TBC1D4: variants seen among roughly 807,000 people sequenced by gnomAD.
TBC1D4 encodes the protein TBC1 domain family member 4, also known as TBC (Tre-2, BUB2, CDC16) domain-containing protein.
A neutral mutation model predicts 142.5 loss-of-function variants in TBC1D4; 121 were observed. The ratio of observed to expected loss-of-function variants is 0.85; its 90% CI spans 0.73 to 0.99. The LOEUF (loss-of-function observed/expected upper bound fraction) is 0.99, where lower values mean the gene tolerates loss of function less well. TBC1D4 is among the 50% of genes least tolerant of loss of function. TBC1D4 has a pLI of 0.00. For missense variants in TBC1D4, 1,475 were observed against 1,606.6 expected, an observed-to-expected ratio of 0.92 and a Z score of 1.40; for synonymous variants, 630 against 628.2, an observed-to-expected ratio of 1.00 and a Z score of -0.04.
At chr13:75,364,978 A>G (rs1593796576) in intron 1 of TBC1D4, among the ~76,000 whole-genome samples, 1 of 152,166 alleles carries the variant, frequency 6.6e-6, no homozygotes, top group Admixed American at 6.5e-5. Context: ...AGTCAATTCA[A>G]CCTTAATTGT....
At chr13:75,336,017 T>C (rs1004749076) in intron 8 of TBC1D4, among the ~76,000 whole-genome samples, 4 of 152,212 alleles carry the variant, frequency 2.6e-5, no homozygotes, top group African/African-American at 7.2e-5. Flanking sequence ...TTTCTATACA[T>C]ATATATTTCT....
In TBC1D4 at chr13:75,414,114, C is replaced by A. The variant is rs140444612; in HGVS notation, c.499-51507G>T. ...GGCACTGCAATACTACATCCGCATT[C>A]CCATGGTTGAGTTCATTCTCAGTGT... On this transcript the variant is annotated intron_variant, in intron 1 of 20. Transcript: ENST00000377636. Among the ~76,000 whole-genome samples the A allele has an allele frequency of 4.6e-5, 7 of 152,298 alleles. No homozygotes were observed. In the East Asian group the frequency reaches 1.2e-3, roughly 25 times the overall value.
At chr13:75,377,788 C>G (rs959268903) in intron 1 of TBC1D4, among the ~76,000 whole-genome samples, 1 of 150,900 alleles carries the variant, frequency 6.6e-6, no homozygotes, top group Non-Finnish European at 1.5e-5. Flanking sequence ...CTATATTAAA[C>G]CAGGATCTTT....
At chr13:75,463,976 T>A (rs572144396) in intron 1 of TBC1D4, among the ~76,000 whole-genome samples, 3 of 152,194 alleles carry the variant, frequency 2.0e-5, no homozygotes, top group Non-Finnish European at 4.4e-5. Flanking sequence ...ACTCAACTCA[T>A]GTAAACTGAA....
Position 75,294,993 on chromosome 13 carries a change from G to A in TBC1D4, c.3177C>T (p.Ser1059=), listed in dbSNP as rs1261507740. ...MSLQIQMYQL[S]RLLHDYHRDL... ...CTCTGTGATAGTCATGAAGGAGCCTGGACAGCTGGTACATTTGAATCTAAA... is the reference window on the plus strand; with the variant it reads ...CTCTGTGATAGTCATGAAGGAGCCTAGACAGCTGGTACATTTGAATCTAAA... Residue 1059 remains serine (S), a synonymous_variant, in exon 18 of 21, where the codon TCC becomes TCT. Coordinates refer to ENST00000377636, the MANE Select transcript of TBC1D4 (RefSeq NM_014832.5). The A allele has an allele frequency of 1.2e-6, 2 of 1,613,650 alleles. No homozygotes were observed. The highest frequency in any genetic ancestry group is 1.7e-6 in the Non-Finnish European group (2 of 1,179,764).
intron 11 of TBC1D4, among the ~76,000 whole-genome samples, chr13:75,323,009 T>C (rs1878907621): frequency 6.6e-6 from 1 of 152,168 alleles, no homozygotes; most frequent in Admixed American, 6.5e-5. Flanking sequence ...AATCCAGTAT[T>C]AGTTATCTTT....
chr13:75,333,139 T>C (rs933468952), intron 8 of TBC1D4, among the ~76,000 whole-genome samples: 1 of 152,242 alleles, frequency 6.6e-6, no homozygotes, highest in Non-Finnish European at 1.5e-5. Context: ...AAGACACTTA[T>C]ACACTGAAGG....
At chr13:75,374,767 A>ATT (rs150050951) in intron 1 of TBC1D4, among the ~76,000 whole-genome samples, 39 of 151,362 alleles carry the variant, frequency 2.6e-4, no homozygotes, top group African/African-American at 8.7e-4. Context: ...CGCAGCCCTC[A>ATT]TTTTTTTTTC....
At chr13:75,410,262 T>C (rs368605469) in intron 1 of TBC1D4, among the ~76,000 whole-genome samples, 1 of 152,206 alleles carries the variant, frequency 6.6e-6, no homozygotes, top group Non-Finnish European at 1.5e-5. Flanking sequence ...TCCTATGCTG[T>C]CAGTCTACCG....
At chr13:75,332,522 A>G (rs902086548) in intron 8 of TBC1D4, among the ~76,000 whole-genome samples, 1 of 152,220 alleles carries the variant, frequency 6.6e-6, no homozygotes, top group African/African-American at 2.4e-5. Flanking sequence ...TTTAAGAATT[A>G]CACGTGCCTT....
intron 1 of TBC1D4, among the ~76,000 whole-genome samples, chr13:75,381,679 T>G (rs1187592356): frequency 6.6e-6 from 1 of 152,166 alleles, no homozygotes; most frequent in Non-Finnish European, 1.5e-5. Flanking sequence ...TCATTGCAGG[T>G]TCAGTCAAAT....
intron 17 of TBC1D4, among the ~76,000 whole-genome samples, chr13:75,295,865 G>C (rs1593870330): frequency 6.6e-6 from 1 of 151,978 alleles, no homozygotes; most frequent in Non-Finnish European, 1.5e-5. Flanking sequence ...TTGATATTTT[G>C]GTGTAAAAAT....
intron 10 of TBC1D4, among the ~76,000 whole-genome samples, chr13:75,325,682 C>T (rs956273391): frequency 6.6e-6 from 1 of 152,166 alleles, no homozygotes; most frequent in Non-Finnish European, 1.5e-5. Flanking sequence ...CTTCTTTATA[C>T]ATATCACCTT....
rs1317534458 is a variant in TBC1D4, at chr13:75,288,912, G to C, written c.3663+22C>G. On this transcript the variant is annotated intron_variant, in intron 20 of 20. Coordinates refer to ENST00000377636, the MANE Select transcript of TBC1D4 (RefSeq NM_014832.5). ...GCAGGAGGCATTGAAGTACTTATTT[G>C]CTCAAATCTTTATTTCTTTACCTGT... 3 of 1,612,384 alleles carry C rather than the reference G, an allele frequency of 1.9e-6. No individual in the cohort carries two copies. In the South Asian group the frequency reaches 3.3e-5, roughly 18 times the overall value.
Position 75,294,748 on chromosome 13 carries a change from T to G in TBC1D4, c.3316+106A>C. 3.2e-6 allele frequency: 4 copies of G among 1,232,852 alleles called. No individual in the cohort carries two copies. In the South Asian group the frequency reaches 5.5e-5, roughly 17 times the overall value. The allele number at this position is 1,232,852 out of a possible 1,614,324, so 76.4% of individuals were successfully genotyped here. On this transcript the variant is annotated intron_variant, in intron 18 of 20. Transcript: ENST00000377636. ...TTAAATTCCATTAGCAATTTGCTAT[T>G]CTGTATAACACATGATAGAACAATA... is the stretch of plus-strand genomic sequence containing the variant.
In TBC1D4 at chr13:75,302,312, G is replaced by A. The variant is rs1271441720; in HGVS notation, c.2842C>T (p.Pro948Ser). Residue 948 changes from proline to serine, a missense_variant, in exon 16 of 21, where the codon CCT becomes TCT. Coordinates refer to ENST00000377636, the MANE Select transcript of TBC1D4 (RefSeq NM_014832.5). ...AAAAGTTCCTTATAGGATATGTCAG[G>A]AGGCTGTTGTTTATTAGGCAATCTG... ...RHRLPNKQQP[P>S]DISYKELLKQ... 1.5e-5 allele frequency: 24 copies of A among 1,614,072 alleles called. No homozygotes were observed. The highest frequency in any genetic ancestry group is 1.9e-5 in the Non-Finnish European group (22 of 1,180,044).
chr13:75,472,997 A>ATATT (rs1003528001), intron 1 of TBC1D4, among the ~76,000 whole-genome samples: 41 of 152,238 alleles, frequency 2.7e-4, no homozygotes, highest in African/African-American at 9.4e-4. Flanking sequence ...TTACTCATTG[A>ATATT]TATTTATTTA....
intron 17 of TBC1D4, among the ~76,000 whole-genome samples, chr13:75,295,672 T>C (rs1875836893): frequency 6.6e-6 from 1 of 152,194 alleles, no homozygotes; most frequent in South Asian, 2.1e-4. Flanking sequence ...GGCTACTGAG[T>C]TGGTTATTGG....
intron 1 of TBC1D4, among the ~76,000 whole-genome samples, chr13:75,425,576 C>T (rs749174767): frequency 1.3e-5 from 2 of 152,100 alleles, no homozygotes; most frequent in Non-Finnish European, 2.9e-5. Context: ...TAAGTGTCCA[C>T]CAACAGATGA....
Sources: allele counts gnomAD v4.1 joint callset (sites outside exome capture counted in the v4.1 genomes callset), GRCh38; gene constraint gnomAD v4.1.1; transcripts MANE v1.5; gene names NCBI Gene and HGNC (gene_info 2026-07-23, HGNC 2026-07-21).